The following PPP2R1B variants were observed in gnomAD, a reference collection of about 807,000 sequenced individuals.
PPP2R1B encodes serine/threonine-protein phosphatase 2A 65 kDa regulatory subunit A beta isoform.
Under a neutral mutation model 72.7 loss-of-function variants are expected in PPP2R1B, and 58 were observed. The observed-to-expected ratio is 0.80, with a 90% confidence interval of 0.65 to 0.99. The LOEUF is 0.99. Among genes scored for constraint, PPP2R1B ranks in the 50% least tolerant of loss-of-function variants. PPP2R1B has a pLI of 0.00. For synonymous variants in PPP2R1B, 256 were observed against 264.6 expected (o/e 0.97, Z 0.32); for missense variants, 695 against 733.6 (o/e 0.95, Z 0.61).
chr11:111,703,391 A>G, the PPP2R1B span: 1 of 1,613,966 alleles, frequency 6.2e-7, no homozygotes, highest in Non-Finnish European at 8.5e-7. Flanking sequence ...ACTGATGCAC[A>G]GCCTTGGAAT....
Position 111,742,159 on chromosome 11 carries a change from T to C in PPP2R1B, c.1698-15A>G, listed in dbSNP as rs768213109. On this transcript the variant is annotated splice_polypyrimidine_tract_variant and intron_variant, in intron 13 of 14. Transcript: ENST00000527614. ...CCTGTAAAGCACTGACATTCAAAAG[T>C]ATTATCTGTGAAAGACAGTCTAATG... 3.1e-6 allele frequency: 5 copies of C among 1,595,496 alleles called. No individual in the cohort carries two copies. The highest frequency in any genetic ancestry group is 1.1e-5 in the South Asian group (1 of 90,694).
At chr11:111,719,597 T>G in the PPP2R1B span, among the ~76,000 whole-genome samples, 1 of 152,176 alleles carries the variant, frequency 6.6e-6, no homozygotes, top group Non-Finnish European at 1.5e-5. Flanking sequence ...GAGTTCTGAG[T>G]CCTGCAGTTG....
chr11:111,718,648 A>G, the PPP2R1B span: 2 of 152,206 alleles, frequency 1.3e-5, no homozygotes, highest in African/African-American at 4.8e-5. Context: ...ATTGGCTGCC[A>G]TAAGAGGAAA....
At chr11:111,696,504 T>C in the PPP2R1B span, among the ~76,000 whole-genome samples, 1 of 152,118 alleles carries the variant, frequency 6.6e-6, no homozygotes. Context: ...AAATGTTTTG[T>C]TTATAATAGC....
chr11:111,761,573 C>T (rs1366595363), intron 3 of PPP2R1B, among the ~76,000 whole-genome samples: 1 of 152,224 alleles, frequency 6.6e-6, no homozygotes, highest in Non-Finnish European at 1.5e-5. Context: ...CTATAAAATG[C>T]TGAATGCAAA....
the PPP2R1B span, among the ~76,000 whole-genome samples, chr11:111,707,246 C>T: frequency 5.4e-4 from 82 of 152,308 alleles, no homozygotes; most frequent in East Asian, 5.8e-4. Context: ...TTAAACATTA[C>T]GCAAGTGAGG....
chr11:111,745,360 T>C (rs574826807), intron 11 of PPP2R1B, among the ~76,000 whole-genome samples: 2 of 152,074 alleles, frequency 1.3e-5, no homozygotes, highest in South Asian at 2.1e-4. Context: ...CAAATTACTA[T>C]TTTTTTTAAC....
rs1031277704 is a variant in PPP2R1B at position 111,738,107 on chromosome 11, G to C, written c.*3489C>G. The C allele has an allele frequency of 2.0e-6, 2 of 989,020 alleles. No homozygotes were observed. Among genetic ancestry groups the C allele is most frequent in the African/African-American group, 1.7e-5 (1 of 57,320 alleles). 61.3% of individuals were successfully genotyped at this position (989,020 alleles called of 1,614,324 possible). A position where few individuals can be genotyped will look rare whatever the true frequency, so the allele number is the denominator to read the frequency against. Reference sequence around the variant, plus strand: ...ATGCGAGGGAAGAGGAAAGAGGAGAGTAAGGAACTGGATGGAAACAGGAAT... The same window carrying C: ...ATGCGAGGGAAGAGGAAAGAGGAGACTAAGGAACTGGATGGAAACAGGAAT... On this transcript the variant is annotated 3_prime_UTR_variant, in exon 15 of 15. Transcript: ENST00000527614.
At chr11:111,733,504 GGACAGTTCTGGCT>G (rs1944255108), downstream of PPP2R1B, among the ~76,000 whole-genome samples, 1 of 152,130 alleles carries the variant, frequency 6.6e-6, no homozygotes, top group Non-Finnish European at 1.5e-5. Flanking sequence ...AGGTCGGCTG[GGACAGTTCTGGCT>G]CCAGCTCCTC....
At chr11:111,761,167 T>C (rs1555051318) in intron 3 of PPP2R1B, 116 bp from the exon 4 acceptor site, 1 of 886,358 alleles carries the variant, frequency 1.1e-6, no homozygotes, top group East Asian at 2.6e-5. Context: ...GAATGTTAGC[T>C]GCATCATACC....
At chr11:111,754,689 A>T (rs1443385747) in intron 7 of PPP2R1B, 120 bp from the exon 8 acceptor site, 1 of 1,438,466 alleles carries the variant, frequency 7.0e-7, no homozygotes, top group Non-Finnish European at 9.1e-7. Flanking sequence ...GCAAATAAGG[A>T]AAACAGCTCT....
chr11:111,713,381 C>T, the PPP2R1B span, among the ~76,000 whole-genome samples: 1 of 152,116 alleles, frequency 6.6e-6, no homozygotes, highest in African/African-American at 2.4e-5. Flanking sequence ...AAATAGACCT[C>T]CTCTTAGTGT....
chr11:111,711,526 G>A, the PPP2R1B span, among the ~76,000 whole-genome samples: 1 of 152,184 alleles, frequency 6.6e-6, no homozygotes, highest in African/African-American at 2.4e-5. Flanking sequence ...TTCTATAGTG[G>A]GTTGACTTCA....
rs1945538829 is a variant in PPP2R1B, at chr11:111,766,297, A to G, written c.65T>C (p.Leu22Pro). Residue 22 changes from leucine to proline, a missense_variant, in exon 1 of 15, where the codon CTA (leucine) becomes CCA (proline). Leu to Pro is a moderately conservative substitution (Grantham distance 98). Coordinates refer to ENST00000527614, the MANE Select transcript of PPP2R1B (RefSeq NM_002716.5). ...GTCGATTAAAACCGCGATCGGGTAT[A>G]GCGAATCATCTCCATCTCCACCCGC... Reference protein sequence around the residue: ...GAAGGDGDDSLYPIAVLIDEL... With the variant: ...GAAGGDGDDSPYPIAVLIDEL... The G allele has an allele frequency of 1.9e-6, 3 of 1,583,342 alleles. No individual in the cohort carries two copies. Among genetic ancestry groups the G allele is most frequent in the Admixed American group, 1.8e-5 (1 of 56,996 alleles).
intron 9 of PPP2R1B, 120 bp from the exon 10 acceptor site, chr11:111,752,452 T>C (rs1262491894): frequency 2.0e-6 from 2 of 1,001,756 alleles, no homozygotes; most frequent in Non-Finnish European, 2.8e-6. Context: ...ATGGATAATC[T>C]TGAAGAAATA....
downstream of PPP2R1B, chr11:111,723,563 A>G: frequency 6.2e-7 from 1 of 1,614,212 alleles, no homozygotes; most frequent in Non-Finnish European, 8.5e-7. Context: ...TCAGATGCAG[A>G]TAGCAGAGAG....
chr11:111,720,621 C>T, the PPP2R1B span: 51 of 1,613,978 alleles, frequency 3.2e-5, no homozygotes, highest in South Asian at 7.7e-5. Flanking sequence ...GCCTTCACCC[C>T]GCATGACATC....
intron 12 of PPP2R1B, among the ~76,000 whole-genome samples, 190 bp from the exon 13 acceptor site, chr11:111,742,855 AC>A (rs977940765): frequency 6.6e-6 from 1 of 151,900 alleles, no homozygotes; most frequent in Admixed American, 6.6e-5. Context: ...AATAAGTTGA[AC>A]TTTTAAAATA....
the PPP2R1B span, among the ~76,000 whole-genome samples, chr11:111,709,657 A>G: frequency 2.2e-4 from 34 of 152,340 alleles, no homozygotes; most frequent in Admixed American, 2.0e-3. Context: ...TCAACTGTGT[A>G]ATGCTGAGCA....
Sources: allele counts gnomAD v4.1 joint callset (sites outside exome capture counted in the v4.1 genomes callset), GRCh38; gene constraint gnomAD v4.1.1; transcripts MANE v1.5; gene names NCBI Gene and HGNC (gene_info 2026-07-23, HGNC 2026-07-21).